KIAA1328: variants seen among roughly 807,000 people sequenced by gnomAD.
KIAA1328 encodes KIAA1328.
A neutral mutation model predicts 68.1 loss-of-function variants in KIAA1328; 52 were observed. The ratio of observed to expected loss-of-function variants is 0.76; its 90% confidence interval spans 0.61 to 0.96. The LOEUF is 0.96. Ranked by LOEUF, KIAA1328 falls within the 40% of genes least tolerant of loss-of-function variation. The pLI, the probability that KIAA1328 is intolerant of heterozygous loss-of-function variation, is 0.00. For synonymous variants in KIAA1328, 232 were observed against 239.4 expected (o/e 0.97, Z 0.28); for missense variants, 641 against 677.6 (o/e 0.95, Z 0.60).
At chr18:36,888,357 G>T (rs1256634896) in intron 5 of KIAA1328, among the ~76,000 whole-genome samples, 1 of 152,052 alleles carries the variant, frequency 6.6e-6, no homozygotes, top group African/African-American at 2.4e-5. Context: ...AGGTTTGCTG[G>T]TTCATGATTT....
chr18:37,079,070 G>C, intron 7 of KIAA1328, among the ~76,000 whole-genome samples: 1 of 150,320 alleles, frequency 6.7e-6, no homozygotes, highest in Non-Finnish European at 1.5e-5. Flanking sequence ...GCAAAGACTT[G>C]GAACCAACCC....
rs2046960949 is a variant in KIAA1328, at chr18:36,844,445, G to A, written c.332+143G>A. 1.0e-5 allele frequency: 5 copies of A among 485,572 alleles called. No homozygotes were observed. The South Asian group carries it at 2.8e-4, about 27-fold the overall frequency. 30.1% of individuals were successfully genotyped at this position (485,572 alleles called of 1,614,324 possible). A position where few individuals can be genotyped will look rare whatever the true frequency, so the allele number is the denominator to read the frequency against. Reference sequence around the variant, plus strand: ...TTTTGGAAAAAAGACATTCTGTGATGTCAGAATCCTCTCAAAAAGCTTAAA... The same window carrying A: ...TTTTGGAAAAAAGACATTCTGTGATATCAGAATCCTCTCAAAAAGCTTAAA... On this transcript the variant is annotated intron_variant, in intron 4 of 9. Coordinates refer to ENST00000280020, the MANE Select transcript of KIAA1328 (RefSeq NM_020776.3).
intron 5 of KIAA1328, among the ~76,000 whole-genome samples, chr18:36,921,368 C>G (rs1001576788): frequency 3.3e-5 from 5 of 151,936 alleles, no homozygotes; most frequent in African/African-American, 7.3e-5. Context: ...GAAAAATAGC[C>G]TATAAAATTA....
intron 2 of KIAA1328, among the ~76,000 whole-genome samples, chr18:36,834,607 A>G (rs914644210): frequency 6.6e-6 from 1 of 152,130 alleles, no homozygotes; most frequent in South Asian, 2.1e-4. Context: ...CAAGGGGCAA[A>G]AGATTCTTTT....
chr18:37,108,537 A>G (rs986599216), intron 7 of KIAA1328, among the ~76,000 whole-genome samples: 2 of 152,314 alleles, frequency 1.3e-5, no homozygotes, highest in South Asian at 2.1e-4. Context: ...ATTATTTGTA[A>G]TGAACAGTTT....
chr18:37,225,922 A>G (rs2060633479), downstream of KIAA1328, among the ~76,000 whole-genome samples: 1 of 152,176 alleles, frequency 6.6e-6, no homozygotes. Flanking sequence ...CCAAACTGAA[A>G]ATGAAAATTG....
At chr18:37,196,856 GTTC>G (rs1275927412) in intron 9 of KIAA1328, among the ~76,000 whole-genome samples, 2 of 151,980 alleles carry the variant, frequency 1.3e-5, no homozygotes, top group African/African-American at 2.4e-5. Context: ...ATTGATATTA[GTTC>G]TTCTTTAAAT....
At chr18:36,834,755 G>A (rs2046615088) in intron 2 of KIAA1328, among the ~76,000 whole-genome samples, 1 of 152,080 alleles carries the variant, frequency 6.6e-6, no homozygotes, top group Non-Finnish European at 1.5e-5. Flanking sequence ...AACTATTGAA[G>A]GCACCCTCAT....
intron 9 of KIAA1328, among the ~76,000 whole-genome samples, chr18:37,190,211 G>A (rs921800271): frequency 1.3e-5 from 2 of 151,956 alleles, no homozygotes; most frequent in Non-Finnish European, 2.9e-5. Context: ...GGTCCCCCAG[G>A]GTTGAATTGT....
At chr18:36,892,500 GT>G (rs1388411020) in intron 5 of KIAA1328, among the ~76,000 whole-genome samples, 1 of 151,402 alleles carries the variant, frequency 6.6e-6, no homozygotes, top group East Asian at 1.9e-4. Context: ...TTGGGTTTTT[GT>G]TTTTTTTGTT....
At chr18:36,925,673 G>T (rs1470035886) in intron 5 of KIAA1328, among the ~76,000 whole-genome samples, 3 of 151,884 alleles carry the variant, frequency 2.0e-5, no homozygotes, top group Non-Finnish European at 4.4e-5. Context: ...AAGTAGCTGG[G>T]ACTACAGGTG....
intron 6 of KIAA1328, among the ~76,000 whole-genome samples, chr18:37,031,749 A>C (rs1172889535): frequency 6.6e-6 from 1 of 152,010 alleles, no homozygotes; most frequent in Non-Finnish European, 1.5e-5. Context: ...TTTCATATTT[A>C]GGGTTTTTTT....
intron 4 of KIAA1328, among the ~76,000 whole-genome samples, chr18:36,850,313 G>T (rs2047170609): frequency 6.6e-6 from 1 of 151,880 alleles, no homozygotes; most frequent in Admixed American, 6.6e-5. Context: ...AACACAAATA[G>T]CTATTGTGTG....
At position 36,890,469 on chromosome 18, in the gene KIAA1328, G is replaced by A. The variant is rs560869116; in HGVS notation, c.448+4797G>A. On this transcript the variant is annotated intron_variant, in intron 5 of 9. Coordinates refer to ENST00000280020, the MANE Select transcript of KIAA1328 (RefSeq NM_020776.3). Reference sequence around the variant, plus strand: ...GCGGATCACCTGAGGTTAGGAGTTCGAGACCAGCCTGGCCAACATGGTGAA... The same window carrying A: ...GCGGATCACCTGAGGTTAGGAGTTCAAGACCAGCCTGGCCAACATGGTGAA... Among the ~76,000 whole-genome samples the A allele has an allele frequency of 5.9e-4, 90 of 152,120 alleles. 1 individual carries two copies. Among genetic ancestry groups the A allele is most frequent in the Non-Finnish European group, 1.2e-3 (79 of 67,988 alleles).
intron 8 of KIAA1328, among the ~76,000 whole-genome samples, chr18:37,164,667 G>T (rs1271440679): frequency 6.6e-6 from 1 of 152,142 alleles, no homozygotes; most frequent in East Asian, 1.9e-4. Context: ...AATTGCTTGA[G>T]CCTGGGAGGC....
intron 6 of KIAA1328, among the ~76,000 whole-genome samples, chr18:36,995,994 C>T (rs919890932): frequency 6.6e-6 from 1 of 152,150 alleles, no homozygotes; most frequent in African/African-American, 2.4e-5. Context: ...CTCTATGCTA[C>T]TTGCTTTACA....
At chr18:37,052,702 C>T (rs1255070942) in intron 6 of KIAA1328, among the ~76,000 whole-genome samples, 3 of 152,038 alleles carry the variant, frequency 2.0e-5, no homozygotes, top group South Asian at 2.1e-4. Context: ...ACACCAATAA[C>T]GTTCAAGCAG....
chr18:37,183,642 C>T (rs2154215982), intron 9 of KIAA1328, among the ~76,000 whole-genome samples: 1 of 152,234 alleles, frequency 6.6e-6, no homozygotes, highest in East Asian at 1.9e-4. Flanking sequence ...ATCAATAAGC[C>T]TGCAGTGAAA....
chr18:37,075,184 T>C (rs562721527), intron 7 of KIAA1328: 1 of 151,910 alleles, frequency 6.6e-6, no homozygotes, highest in East Asian at 1.9e-4. Context: ...TATTCAACAT[T>C]CTTAAAGAAA....
Sources: gnomAD v4.1 joint callset for allele counts (sites outside exome capture counted in the v4.1 genomes callset) on GRCh38, gnomAD v4.1.1 for gene constraint, MANE v1.5 for transcripts, NCBI Gene and HGNC (gene_info 2026-07-23, HGNC 2026-07-21) for gene names.